SNX29: variants seen among roughly 807,000 people sequenced by gnomAD.
SNX29 encodes sorting nexin 29.
A neutral mutation model predicts 102.1 loss-of-function variants in SNX29; 78 were observed. That is an observed-to-expected ratio of 0.76 (90% CI 0.64 to 0.92). SNX29 has a LOEUF of 0.92. SNX29 is among the 40% of genes least tolerant of loss of function. SNX29 has a pLI of 0.00. For missense variants in SNX29, 1,280 were observed against 1,061.7 expected, an observed-to-expected ratio of 1.21 and a Z score of -2.86; for synonymous variants, 580 against 414.5, an observed-to-expected ratio of 1.40 and a Z score of -4.85.
chr16:12,158,732 C>T (rs575930967), intron 13 of SNX29, among the ~76,000 whole-genome samples: 55 of 152,324 alleles, frequency 3.6e-4, no homozygotes, highest in African/African-American at 1.3e-3. Context: ...CGAGTGGAAC[C>T]CTGCTCCCTC....
Position 12,569,452 on chromosome 16 carries a change from A to C in SNX29, c.*823A>C, listed in dbSNP as rs2079138738. Reference sequence around the variant, plus strand: ...GTGTCCAAAGTAGCATTGGCCCTACAGTCATGAGAGACTTGGGTCAGGGAA... The same window carrying C: ...GTGTCCAAAGTAGCATTGGCCCTACCGTCATGAGAGACTTGGGTCAGGGAA... On this transcript the variant is annotated 3_prime_UTR_variant, in exon 21 of 21. Coordinates refer to ENST00000566228, the MANE Select transcript of SNX29 (RefSeq NM_032167.5). 2 of 231,116 alleles carry C rather than the reference A, an allele frequency of 8.7e-6. No homozygotes were observed. The highest frequency in any genetic ancestry group is 1.8e-4 in the South Asian group (1 of 5,512). 14.3% of individuals were successfully genotyped at this position (231,116 alleles called of 1,614,324 possible).
At chr16:12,523,004 G>A (rs75627351) in intron 19 of SNX29, among the ~76,000 whole-genome samples, 3,582 of 152,254 alleles carry the variant, frequency 0.024, 85 homozygotes, top group South Asian at 0.11. Flanking sequence ...TAGAGATTGG[G>A]CCTTGTTATG....
intron 3 of SNX29, among the ~76,000 whole-genome samples, chr16:12,006,665 G>C (rs1309067216): frequency 6.6e-6 from 1 of 151,354 alleles, no homozygotes; most frequent in Non-Finnish European, 1.5e-5. Flanking sequence ...CTGTTGCTCA[G>C]CCTGGAGTAC....
intron 20 of SNX29, among the ~76,000 whole-genome samples, chr16:12,560,400 C>T (rs989785169): frequency 2.0e-5 from 3 of 152,132 alleles, no homozygotes; most frequent in Non-Finnish European, 4.4e-5. Context: ...CTTTAATCCC[C>T]AAAAGCCACA....
At chr16:12,161,366 A>C (rs1235317964) in intron 13 of SNX29, among the ~76,000 whole-genome samples, 2 of 152,286 alleles carry the variant, frequency 1.3e-5, no homozygotes, top group Admixed American at 1.3e-4. Context: ...GCTTTGGCCC[A>C]TGTGGTCACT....
At chr16:12,241,483 G>T (rs1334300037) in intron 14 of SNX29, among the ~76,000 whole-genome samples, 2 of 150,830 alleles carry the variant, frequency 1.3e-5, no homozygotes, top group African/African-American at 2.4e-5. Flanking sequence ...TTTTGGAGAT[G>T]GAGTCTCTCT....
chr16:12,370,867 G>A (rs990416753), intron 16 of SNX29, among the ~76,000 whole-genome samples: 10 of 152,184 alleles, frequency 6.6e-5, no homozygotes, highest in African/African-American at 2.4e-4. Flanking sequence ...GAATAGATAT[G>A]TTTTGGTAAA....
At chr16:12,040,899 C>G (rs1313519527) in intron 4 of SNX29, among the ~76,000 whole-genome samples, 1 of 152,266 alleles carries the variant, frequency 6.6e-6, no homozygotes, top group Admixed American at 6.5e-5. Context: ...CTGCAACCTC[C>G]GTCTCCTGGG....
At chr16:12,434,161 C>G (rs1051211437) in intron 18 of SNX29, among the ~76,000 whole-genome samples, 1 of 152,208 alleles carries the variant, frequency 6.6e-6, no homozygotes, top group African/African-American at 2.4e-5. Context: ...TCTGCCTGGC[C>G]TCAGGCAACT....
At chr16:11,995,630 T>C (rs1418298713) in intron 1 of SNX29, among the ~76,000 whole-genome samples, 1 of 138,308 alleles carries the variant, frequency 7.2e-6, no homozygotes, top group Non-Finnish European at 1.5e-5. Context: ...GAATAATCAG[T>C]AGAGCAAAAT....
chr16:12,572,774 CCCA>C lies in SNX29; in HGVS notation c.*4148_*4150del, dbSNP rs1252719048. 1.2e-5 allele frequency: 13 copies of C among 1,063,742 alleles called. No individual in the cohort carries two copies. Among genetic ancestry groups the C allele is most frequent in the Non-Finnish European group, 1.5e-5 (13 of 878,350 alleles). 65.9% of individuals were successfully genotyped at this position (1,063,742 alleles called of 1,614,324 possible). A position where few individuals can be genotyped will look rare whatever the true frequency, so the allele number is the denominator to read the frequency against. ...TCAGCTTCTGGGACCCGAGGAAGAC[CCCA>C]CCTCACTCCTCCTTCCCCAGTACAT... On this transcript the variant is annotated 3_prime_UTR_variant, in exon 21 of 21. Coordinates refer to ENST00000566228, the MANE Select transcript of SNX29 (RefSeq NM_032167.5).
intron 4 of SNX29, among the ~76,000 whole-genome samples, chr16:12,034,623 T>G (rs1417081149): frequency 1.3e-5 from 2 of 152,108 alleles, no homozygotes; most frequent in African/African-American, 4.8e-5. Context: ...GGCTATTTAC[T>G]AAGGGGTATG....
intron 14 of SNX29, among the ~76,000 whole-genome samples, chr16:12,206,680 C>CCGTCT (rs2077051766): frequency 6.6e-6 from 1 of 152,010 alleles, no homozygotes; most frequent in Non-Finnish European, 1.5e-5. Flanking sequence ...TCTCACTGTC[C>CCGTCT]CGTCTTTCCA....
At chr16:12,335,547 G>C (rs1405118384) in intron 15 of SNX29, among the ~76,000 whole-genome samples, 1 of 152,136 alleles carries the variant, frequency 6.6e-6, no homozygotes, top group East Asian at 1.9e-4. Flanking sequence ...ATGGTTGCAT[G>C]TGCCTGTATT....
rs904043162 is a variant in SNX29 at position 12,199,688 on chromosome 16, G to C, written c.1678+5G>C. ...GAGAAGGTCAAACAGCTGAAGGTGA[G>C]GGGGAGCCTGAGCCCGGGTTGGGAG... On this transcript the variant is annotated splice_donor_5th_base_variant and intron_variant, in intron 14 of 20. Transcript: ENST00000566228. The C allele has an allele frequency of 5.0e-6, 8 of 1,610,376 alleles. No individual in the cohort carries two copies. The highest frequency in any genetic ancestry group is 6.8e-6 in the Non-Finnish European group (8 of 1,178,184).
At chr16:12,502,974 G>T (rs2089196593) in intron 19 of SNX29, among the ~76,000 whole-genome samples, 2 of 152,336 alleles carry the variant, frequency 1.3e-5, no homozygotes, top group South Asian at 4.1e-4. Flanking sequence ...TCTGATACCT[G>T]TGTTTAAGAC....
intron 15 of SNX29, among the ~76,000 whole-genome samples, chr16:12,311,177 C>A (rs550603458): frequency 6.6e-6 from 1 of 152,324 alleles, no homozygotes; most frequent in Non-Finnish European, 1.5e-5. Context: ...TTGGGAACTT[C>A]AGGGAGTTTT....
intron 13 of SNX29, among the ~76,000 whole-genome samples, chr16:12,146,036 C>G (rs963508000): frequency 6.6e-6 from 1 of 152,196 alleles, no homozygotes; most frequent in East Asian, 1.9e-4. Flanking sequence ...CTCTTTTACC[C>G]CTACAGCGGT....
At chr16:12,567,947 A>G (rs1214955165) in intron 20 of SNX29, among the ~76,000 whole-genome samples, 1 of 152,194 alleles carries the variant, frequency 6.6e-6, no homozygotes. Flanking sequence ...CTTCAGAACC[A>G]GGATCAGTGT....
Sources: allele counts gnomAD v4.1 joint callset (sites outside exome capture counted in the v4.1 genomes callset), GRCh38; gene constraint gnomAD v4.1.1; transcripts MANE v1.5; gene names NCBI Gene and HGNC (gene_info 2026-07-23, HGNC 2026-07-21).